Variants in ANO10 observed in about 807,000 individuals in gnomAD.
The protein encoded by ANO10 is anoctamin 10.
In ANO10, 77 loss-of-function variants were observed where a neutral mutation model predicts 74.7. The ratio of observed to expected loss-of-function variants is 1.03; its 90% CI spans 0.86 to 1.25. The LOEUF is 1.25. ANO10 is among the 50% of genes most tolerant of loss of function. The pLI is 0.00. For missense variants in ANO10, 721 were observed against 778.1 expected (o/e 0.93, Z 0.87); for synonymous variants, 279 against 284.9 (o/e 0.98, Z 0.21).
At chr3:43,541,187 G>A (rs1240803020) in intron 11 of ANO10, among the ~76,000 whole-genome samples, 1 of 152,158 alleles carries the variant, frequency 6.6e-6, no homozygotes, top group Non-Finnish European at 1.5e-5. Context: ...TCCTTTGTAG[G>A]CTAAGTTTTA....
intron 12 of ANO10, among the ~76,000 whole-genome samples, chr3:43,393,622 T>C (rs73831288): frequency 0.024 from 3,577 of 152,198 alleles, 149 homozygotes; most frequent in African/African-American, 0.081. Flanking sequence ...AGCCCTCCTC[T>C]CTTTCCCTCC....
At chr3:43,474,066 G>A (rs2075970068) in intron 11 of ANO10, among the ~76,000 whole-genome samples, 1 of 152,184 alleles carries the variant, frequency 6.6e-6, no homozygotes, top group African/African-American at 2.4e-5. Context: ...AGAGAAAGTG[G>A]TATAACAGAG....
intron 4 of ANO10, among the ~76,000 whole-genome samples, chr3:43,590,123 T>G (rs1218165589): frequency 6.6e-6 from 1 of 152,170 alleles, no homozygotes; most frequent in Non-Finnish European, 1.5e-5. Flanking sequence ...ACACAAAAAT[T>G]GTAAGATGCT....
At position 43,366,948 on chromosome 3, in the gene ANO10, C is replaced by A; in HGVS notation, c.1941G>T (p.Leu647=). 6.2e-7 allele frequency: 1 copy of A among 1,602,126 alleles called. No homozygotes were observed. The highest frequency in any genetic ancestry group is 8.5e-7 in the Non-Finnish European group (1 of 1,174,274). Residue 647 remains leucine (L), a synonymous_variant, in exon 13 of 13, where the codon CTG becomes CTT. Transcript: ENST00000292246. ...TCCCGCTTTCCATTGGTTCCTCCTT[C>A]AGGTTCTCGGTCACGAGCTTCATTT... is the stretch of plus-strand genomic sequence containing the variant. The part of the protein sequence containing the change: ...QQQMKLVTEN[L]KEEPMESGKE...
At chr3:43,529,927 A>T (rs1286060102) in intron 11 of ANO10, among the ~76,000 whole-genome samples, 2 of 152,180 alleles carry the variant, frequency 1.3e-5, no homozygotes, top group Non-Finnish European at 2.9e-5. Context: ...GAGACCAAAC[A>T]TATTCTGCAT....
intron 1 of ANO10, among the ~76,000 whole-genome samples, chr3:43,673,770 T>C (rs1451753102): frequency 6.6e-6 from 1 of 152,108 alleles, no homozygotes; most frequent in Non-Finnish European, 1.5e-5. Context: ...CTATTAAAAT[T>C]CTCTCCCCAA....
intron 7 of ANO10, 35 bp from the exon 8 acceptor site, chr3:43,565,762 A>C (rs1314935764): frequency 6.5e-7 from 1 of 1,538,656 alleles, no homozygotes; most frequent in African/African-American, 1.4e-5. Flanking sequence ...ATAAGTGTTA[A>C]GCACTGCTTT....
intron 11 of ANO10, among the ~76,000 whole-genome samples, chr3:43,546,005 C>T (rs2079174868): frequency 6.6e-6 from 1 of 152,188 alleles, no homozygotes; most frequent in Non-Finnish European, 1.5e-5. Flanking sequence ...ACTAGAATAG[C>T]ATTGGTAAAT....
chr3:43,427,648 A>G (rs1258286117), intron 12 of ANO10, among the ~76,000 whole-genome samples: 1 of 152,176 alleles, frequency 6.6e-6, no homozygotes, highest in Non-Finnish European at 1.5e-5. Context: ...CCACAAACTG[A>G]CCAGGTTACC....
chr3:43,497,663 G>A lies in ANO10; in HGVS notation c.1797+52057C>T, dbSNP rs141238660. Among the ~76,000 whole-genome samples the A allele has an allele frequency of 1.5e-4, 23 of 152,224 alleles. No homozygotes were observed. In the East Asian group the frequency reaches 4.4e-3, roughly 29 times the overall value. On this transcript the variant is annotated intron_variant, in intron 11 of 12. Coordinates refer to ENST00000292246, the MANE Select transcript of ANO10 (RefSeq NM_018075.5). ...GTCCCTGGAGTGAGGGAAGGGAGGG[G>A]CCCCTACCACCTCCCAGATGCCCTC...
chr3:43,683,925 T>C (rs2084237664), intron 1 of ANO10, among the ~76,000 whole-genome samples: 1 of 152,102 alleles, frequency 6.6e-6, no homozygotes, highest in Non-Finnish European at 1.5e-5. Flanking sequence ...ATACAAAAAT[T>C]AATTCAAGAT....
At position 43,652,324 on chromosome 3, in the gene ANO10, T is replaced by C. The variant is rs77748639; in HGVS notation, c.-12+39193A>G. Among the ~76,000 whole-genome samples the C allele has an allele frequency of 1.3e-3, 203 of 152,280 alleles. 1 individual carries two copies. Among genetic ancestry groups the C allele is most frequent in the East Asian group, 0.01 (52 of 5,188 alleles). On this transcript the variant is annotated intron_variant, in intron 1 of 3. Coordinates refer to the ANO10 transcript ENST00000413397. ...GATATATATTAATACATCAATGGGA[T>C]AGAATTGAGAATCCAGAAATAAATC...
In ANO10 at chr3:43,576,730, C is replaced by T. The variant is rs1172915658; in HGVS notation, c.1124G>A (p.Arg375His). 9.9e-6 allele frequency: 16 copies of T among 1,613,976 alleles called. No homozygotes were observed. Among genetic ancestry groups the T allele is most frequent in the South Asian group, 2.2e-5 (2 of 91,078 alleles). ...AAACTCGGCAGCATATCGATAGAGA[C>T]GATTCATGATCTCAATCACAATGGC... ...IYAIVIEIMN[R>H]LYRYAAEFLT... is the part of the protein sequence containing the mutation. Residue 375 changes from arginine to histidine, a missense_variant, in exon 6 of 13, where the codon CGT (arginine) becomes CAT (histidine). Transcript: ENST00000292246.
rs2076761185 is a variant in ANO10, at chr3:43,492,527, T to C, written c.1797+57193A>G. Among the ~76,000 whole-genome samples, 3 of 152,178 alleles carry C rather than the reference T, an allele frequency of 2.0e-5. No individual in the cohort carries two copies. The South Asian group carries it at 6.2e-4, about 32-fold the overall frequency. On this transcript the variant is annotated intron_variant, in intron 11 of 12. Coordinates refer to ENST00000292246, the MANE Select transcript of ANO10 (RefSeq NM_018075.5). ...CAACCTACAGAATGGGAGAATATTT[T>C]TGCAATCTTTCCATCTGACAAAGGG...
At chr3:43,473,983 T>G (rs2075966311) in intron 11 of ANO10, among the ~76,000 whole-genome samples, 1 of 152,144 alleles carries the variant, frequency 6.6e-6, no homozygotes, top group Non-Finnish European at 1.5e-5. Context: ...ACACAGTCAT[T>G]CATTCCTCCC....
At chr3:43,406,083 C>T (rs1037883718) in intron 12 of ANO10, among the ~76,000 whole-genome samples, 1 of 152,150 alleles carries the variant, frequency 6.6e-6, no homozygotes, top group African/African-American at 2.4e-5. Flanking sequence ...AACCACAGAC[C>T]GCTACTGTGA....
chr3:43,449,515 C>CTTTTT (rs61265406), intron 11 of ANO10, among the ~76,000 whole-genome samples: 4,016 of 104,816 alleles, frequency 0.038, 4 homozygotes, highest in Non-Finnish European at 0.046. Context: ...TATCTAGATT[C>CTTTTT]TTTTTTTTTT....
intron 1 of ANO10, among the ~76,000 whole-genome samples, chr3:43,671,326 C>T (rs895141524): frequency 2.0e-5 from 3 of 152,112 alleles, no homozygotes; most frequent in African/African-American, 7.2e-5. Context: ...TAAGACAGGA[C>T]TAATCCCAGT....
chr3:43,416,542 G>A lies in ANO10; in HGVS notation c.1914+16069C>T, dbSNP rs116894887. On this transcript the variant is annotated intron_variant, in intron 12 of 12. Transcript: ENST00000292246. ...CAGAATTCTGAAAGGAAAAGGAGGA[G>A]AAGATGTATTTGTCAACTGAAATTC... 1.1e-3 allele frequency among the ~76,000 whole-genome samples: 167 copies of A among 152,302 alleles called. No individual in the cohort carries two copies. The East Asian group carries it at 0.03, about 27-fold the overall frequency.
Sources: allele counts gnomAD v4.1 joint callset (sites outside exome capture counted in the v4.1 genomes callset), GRCh38; gene constraint gnomAD v4.1.1; transcripts MANE v1.5; gene names NCBI Gene and HGNC (gene_info 2026-07-23, HGNC 2026-07-21).